The following SORCS1 variants were observed in gnomAD, a reference collection of about 807,000 sequenced individuals.
SORCS1 encodes the protein sortilin related VPS10 domain containing receptor 1.
Under a neutral mutation model 146.1 loss-of-function variants are expected in SORCS1, and 60 were observed. The observed-to-expected ratio is 0.41, with a 90% CI of 0.33 to 0.51. The LOEUF is 0.51. SORCS1 is among the 20% of genes least tolerant of loss of function. The pLI is 0.21. For missense variants in SORCS1, 1,352 were observed against 1,487.6 expected, an observed-to-expected ratio of 0.91 and a Z score of 1.50; for synonymous variants, 637 against 584.0, an observed-to-expected ratio of 1.09 and a Z score of -1.31.
chr10:107,000,629 T>C (rs1957180519), intron 1 of SORCS1, among the ~76,000 whole-genome samples: 1 of 151,182 alleles, frequency 6.6e-6, no homozygotes, highest in Non-Finnish European at 1.5e-5. Context: ...AAAAGTCAAT[T>C]TTACCTCAAA....
intron 2 of SORCS1, among the ~76,000 whole-genome samples, chr10:106,886,677 C>G (rs961448280): frequency 3.3e-5 from 5 of 152,206 alleles, no homozygotes; most frequent in African/African-American, 7.2e-5. Flanking sequence ...TAGAAGTAAA[C>G]TAAATGTACC....
chr10:106,617,305 C>T (rs4917479), intron 21 of SORCS1, among the ~76,000 whole-genome samples: 5,234 of 152,060 alleles, frequency 0.034, 144 homozygotes, highest in South Asian at 0.068. Flanking sequence ...CTGCCTCCTC[C>T]TCTCTCTGCA....
At chr10:107,066,800 G>A (rs1961909681) in intron 1 of SORCS1, among the ~76,000 whole-genome samples, 1 of 152,176 alleles carries the variant, frequency 6.6e-6, no homozygotes, top group African/African-American at 2.4e-5. Context: ...CATATAAATG[G>A]AAGGAAAGGA....
chr10:107,171,236 C>T, the SORCS1 span, among the ~76,000 whole-genome samples: 1 of 152,156 alleles, frequency 6.6e-6, no homozygotes. Context: ...TTAAAGACCA[C>T]CATACCCCAG....
chr10:106,775,076 G>C (rs1438130117), intron 4 of SORCS1, among the ~76,000 whole-genome samples: 1 of 152,200 alleles, frequency 6.6e-6, no homozygotes, highest in Non-Finnish European at 1.5e-5. Flanking sequence ...TGAAGTGCTG[G>C]GAACGAAAGG....
rs1380456585 is a variant in SORCS1, at chr10:106,709,346, A to T, written c.1025-5T>A. 1 of 1,514,370 alleles carries T rather than the reference A, an allele frequency of 6.6e-7. No individual in the cohort carries two copies. The highest frequency in any genetic ancestry group is 1.7e-5 in the Admixed American group (1 of 59,698). 93.8% of individuals were successfully genotyped at this position (1,514,370 alleles called of 1,614,324 possible). ...GGCAAGTTAGATAATGTGAATCTGA[A>T]AAACAAAAACAAAAACAAAAACATG... On this transcript the variant is annotated splice_region_variant and splice_polypyrimidine_tract_variant and intron_variant, in intron 6 of 25. Coordinates refer to ENST00000263054, the MANE Select transcript of SORCS1 (RefSeq NM_052918.5).
chr10:106,602,097 G>A (rs968448274), intron 23 of SORCS1, among the ~76,000 whole-genome samples: 1 of 152,234 alleles, frequency 6.6e-6, no homozygotes, highest in Admixed American at 6.5e-5. Flanking sequence ...TTTAAGGACA[G>A]TAGAGTAGTT....
chr10:106,823,802 T>A (rs1948167428), intron 3 of SORCS1, among the ~76,000 whole-genome samples: 1 of 152,206 alleles, frequency 6.6e-6, no homozygotes, highest in African/African-American at 2.4e-5. Context: ...ACTTTCAAGG[T>A]CTAATGATCT....
intron 1 of SORCS1, among the ~76,000 whole-genome samples, chr10:107,016,805 T>C (rs895463193): frequency 6.6e-6 from 1 of 152,086 alleles, no homozygotes; most frequent in Non-Finnish European, 1.5e-5. Flanking sequence ...ACCATAAATA[T>C]ATAAAGAATC....
rs149210941 is a variant in SORCS1, at chr10:107,145,644, T to C, written c.558+18325A>G. On this transcript the variant is annotated intron_variant, in intron 1 of 25. Coordinates refer to ENST00000263054, the MANE Select transcript of SORCS1 (RefSeq NM_052918.5). ...AAAGTCCATTAAAAATACAAACAAGTTGGCTACAGGGAAGTTTTAATAATA... is the reference window on the plus strand; with the variant it reads ...AAAGTCCATTAAAAATACAAACAAGCTGGCTACAGGGAAGTTTTAATAATA... Among the ~76,000 whole-genome samples, 556 of 152,332 alleles carry C rather than the reference T, an allele frequency of 3.6e-3. 4 individuals are homozygous for C. Among genetic ancestry groups the C allele is most frequent in the African/African-American group, 0.013 (540 of 41,562 alleles).
At chr10:107,123,680 C>A (rs1966532485) in intron 1 of SORCS1, among the ~76,000 whole-genome samples, 1 of 152,078 alleles carries the variant, frequency 6.6e-6, no homozygotes, top group Admixed American at 6.6e-5. Flanking sequence ...AATTTGCAGG[C>A]CCTGGAGACA....
intron 1 of SORCS1, among the ~76,000 whole-genome samples, chr10:107,009,159 A>T (rs1957582222): frequency 1.3e-5 from 2 of 152,228 alleles, no homozygotes; most frequent in South Asian, 2.1e-4. Flanking sequence ...TTTCAAATAC[A>T]TGATCAAGTA....
chr10:107,044,707 C>G (rs917914791), intron 1 of SORCS1, among the ~76,000 whole-genome samples: 6 of 150,418 alleles, frequency 4.0e-5, no homozygotes, highest in African/African-American at 1.5e-4. Context: ...TCTGTAGTCC[C>G]AGCTACTCTG....
At chr10:106,753,134 C>G (rs1858383689) in intron 5 of SORCS1, among the ~76,000 whole-genome samples, 1 of 150,790 alleles carries the variant, frequency 6.6e-6, no homozygotes, top group Admixed American at 6.6e-5. Context: ...TCATTTTTAT[C>G]TAATAGAGTT....
chr10:107,150,606 T>C (rs897712755), intron 1 of SORCS1, among the ~76,000 whole-genome samples: 3 of 152,254 alleles, frequency 2.0e-5, no homozygotes, highest in Non-Finnish European at 4.4e-5. Context: ...TCTCACTCAC[T>C]GATATGGTTT....
intron 1 of SORCS1, among the ~76,000 whole-genome samples, chr10:107,014,115 G>A (rs1015275424): frequency 5.3e-5 from 8 of 152,050 alleles, no homozygotes; most frequent in Non-Finnish European, 1.0e-4. Flanking sequence ...AGCTGGGTGT[G>A]GTGGCGCATG....
Position 106,620,571 on chromosome 10 carries a change from AAGAG to A in SORCS1, c.2663-14_2663-11del. On this transcript the variant is annotated splice_polypyrimidine_tract_variant and intron_variant, in intron 19 of 25. Coordinates refer to ENST00000263054, the MANE Select transcript of SORCS1 (RefSeq NM_052918.5). The stretch of plus-strand genomic sequence containing the variant: ...ACGTGCTCCAAGGGACCTGAGGCAC[AAGAG>A]AAAGAGAGGCCATGGATGGGGAAGA... The A allele has an allele frequency of 6.2e-7, 1 of 1,612,794 alleles. No individual in the cohort carries two copies.
At chr10:106,949,185 G>C (rs1297059883) in intron 2 of SORCS1, among the ~76,000 whole-genome samples, 1 of 152,148 alleles carries the variant, frequency 6.6e-6, no homozygotes, top group Non-Finnish European at 1.5e-5. Flanking sequence ...TTAAATCTGT[G>C]TGACATGAAG....
intron 9 of SORCS1, among the ~76,000 whole-genome samples, chr10:106,698,049 C>T (rs1853840946): frequency 6.6e-6 from 1 of 152,012 alleles, no homozygotes; most frequent in Admixed American, 6.6e-5. Flanking sequence ...TAAACTAGAC[C>T]CTATGCTAGT....
Sources: gnomAD v4.1 joint callset for allele counts (sites outside exome capture counted in the v4.1 genomes callset) on GRCh38, gnomAD v4.1.1 for gene constraint, MANE v1.5 for transcripts, NCBI Gene and HGNC (gene_info 2026-07-23, HGNC 2026-07-21) for gene names.